Variants in CSMD1 observed in about 807,000 individuals in gnomAD.
CSMD1 encodes CUB and sushi domain-containing protein 1.
A neutral mutation model predicts 417.5 loss-of-function variants in CSMD1; 213 were observed. The observed-to-expected ratio is 0.51, with a 90% CI of 0.46 to 0.57. The LOEUF (loss-of-function observed/expected upper bound fraction) is 0.57. Ranked by LOEUF, CSMD1 falls within the 20% of genes least tolerant of loss-of-function variation. The pLI, the probability that CSMD1 is intolerant of heterozygous loss-of-function variation, is 0.00. For missense variants in CSMD1, 6,923 were observed against 4,529.7 expected, an observed-to-expected ratio of 1.53 and a Z score of -15.17; for synonymous variants, 2,862 against 1,736.8, an observed-to-expected ratio of 1.65 and a Z score of -16.11.
chr8:4,219,051 G>T (rs1034800541), intron 3 of CSMD1, among the ~76,000 whole-genome samples: 3 of 152,028 alleles, frequency 2.0e-5, no homozygotes, highest in African/African-American at 7.2e-5. Flanking sequence ...ATGGTCATAC[G>T]TTAGAGGTAC....
At chr8:3,671,990 C>T (rs73183306) in intron 7 of CSMD1, among the ~76,000 whole-genome samples, 7 of 152,126 alleles carry the variant, frequency 4.6e-5, no homozygotes, top group Admixed American at 2.6e-4. Flanking sequence ...AATACTTAAA[C>T]AAAAATAATT....
At chr8:4,812,408 A>G (rs1026561332) in intron 1 of CSMD1, among the ~76,000 whole-genome samples, 1 of 152,214 alleles carries the variant, frequency 6.6e-6, no homozygotes, top group Admixed American at 6.5e-5. Context: ...AGCACAGAGT[A>G]GTGACTTTGT....
intron 3 of CSMD1, among the ~76,000 whole-genome samples, chr8:4,302,776 G>C (rs186094240): frequency 3.0e-4 from 46 of 152,276 alleles, no homozygotes; most frequent in African/African-American, 8.7e-4. Context: ...TCCAGGTAGA[G>C]TTGGCACCGT....
intron 3 of CSMD1, among the ~76,000 whole-genome samples, chr8:4,142,752 T>C (rs1456240946): frequency 6.6e-6 from 1 of 151,052 alleles, no homozygotes; most frequent in African/African-American, 2.5e-5. Context: ...ACATTGAACT[T>C]GCCAATCACT....
Position 3,412,037 on chromosome 8 carries a change from C to CGTGT in CSMD1, c.1562-2433_1562-2432insACAC, listed in dbSNP as rs1291953230. 5.6e-4 allele frequency among the ~76,000 whole-genome samples: 22 copies of CGTGT among 39,564 alleles called. 6 individuals are homozygous for CGTGT. The highest frequency in any genetic ancestry group is 1.8e-3 in the African/African-American group (17 of 9,578). 26.0% of individuals were successfully genotyped at this position (39,564 alleles called of 152,430 possible). ...ATACATATACACACGTATATATACACATATATACACGTATATATACACACG... is the reference window on the plus strand; with the variant it reads ...ATACATATACACACGTATATATACACGTGTATATATACACGTATATATACACACG... On this transcript the variant is annotated intron_variant, in intron 12 of 69. Coordinates refer to ENST00000635120, the MANE Select transcript of CSMD1 (RefSeq NM_033225.6).
intron 17 of CSMD1, among the ~76,000 whole-genome samples, 155 bp downstream of exon 17, chr8:3,396,039 C>T (rs1056427137): frequency 3.3e-5 from 5 of 152,222 alleles, no homozygotes; most frequent in African/African-American, 9.6e-5. Flanking sequence ...TTATGAATAA[C>T]AGAAAGTTCT....
intron 46 of CSMD1, 122 bp downstream of exon 46, chr8:3,106,406 A>T: frequency 1.6e-6 from 1 of 611,404 alleles, no homozygotes; most frequent in Non-Finnish European, 2.7e-6. Context: ...TCCAAGATAA[A>T]TAAATAAATA....
intron 1 of CSMD1, among the ~76,000 whole-genome samples, chr8:4,954,620 A>C (rs368179503): frequency 6.6e-6 from 1 of 152,200 alleles, no homozygotes; most frequent in African/African-American, 2.4e-5. Context: ...TATACTATAA[A>C]ATAAAATCCT....
At position 3,603,794 on chromosome 8, in the gene CSMD1, T is replaced by C. The variant is rs930472836; in HGVS notation, c.1097+12916A>G. Among the ~76,000 whole-genome samples, 10 of 152,340 alleles carry C rather than the reference T, an allele frequency of 6.6e-5. No homozygotes were observed. In the East Asian group the frequency reaches 1.4e-3, roughly 21 times the overall value. On this transcript the variant is annotated intron_variant, in intron 8 of 69. Coordinates refer to ENST00000635120, the MANE Select transcript of CSMD1 (RefSeq NM_033225.6). ...TCTATTAGTAAACTAAATTTTTTAG[T>C]TGATGGGAAGAAGGAATAACAATCA... is the stretch of plus-strand genomic sequence containing the variant.
chr8:3,637,970 G>T (rs994606732), intron 7 of CSMD1, among the ~76,000 whole-genome samples: 3 of 152,178 alleles, frequency 2.0e-5, no homozygotes, highest in Non-Finnish European at 4.4e-5. Flanking sequence ...TGCCATGATT[G>T]TGAGGCCTCC....
chr8:4,801,240 G>C (rs1798266477), intron 1 of CSMD1, among the ~76,000 whole-genome samples: 1 of 152,276 alleles, frequency 6.6e-6, no homozygotes. Flanking sequence ...CTTGAGGACT[G>C]ATCTATGACT....
intron 3 of CSMD1, among the ~76,000 whole-genome samples, chr8:4,331,777 A>G (rs1799882590): frequency 1.3e-5 from 2 of 152,176 alleles, no homozygotes; most frequent in Admixed American, 1.3e-4. Context: ...TCTTCCCAGG[A>G]GAGGTTTTTG....
intron 1 of CSMD1, among the ~76,000 whole-genome samples, chr8:4,734,565 C>T (rs1810104725): frequency 6.6e-6 from 1 of 152,080 alleles, no homozygotes; most frequent in Admixed American, 6.5e-5. Flanking sequence ...TAAGTAAATG[C>T]TGGGTATTAA....
At chr8:3,311,513 G>A (rs558794872) in intron 23 of CSMD1, among the ~76,000 whole-genome samples, 28 of 149,068 alleles carry the variant, frequency 1.9e-4, no homozygotes, top group Admixed American at 1.6e-3. Flanking sequence ...GTCTCCGAAA[G>A]TGCTGGAATT....
intron 1 of CSMD1, among the ~76,000 whole-genome samples, chr8:4,880,667 CAG>C (rs1212906233): frequency 1.3e-5 from 2 of 152,056 alleles, no homozygotes; most frequent in East Asian, 1.9e-4. Context: ...GAAGTGGAGA[CAG>C]AGAGACTTTT....
intron 7 of CSMD1, among the ~76,000 whole-genome samples, chr8:3,700,931 T>G (rs146208427): frequency 3.4e-4 from 51 of 151,732 alleles, no homozygotes; most frequent in African/African-American, 1.2e-3. Context: ...GATTGCAGGG[T>G]GGGACTTTGT....
chr8:4,535,622 A>G (rs1007427098), intron 2 of CSMD1, among the ~76,000 whole-genome samples: 2 of 152,206 alleles, frequency 1.3e-5, no homozygotes, highest in African/African-American at 2.4e-5. Context: ...ATTATAATAT[A>G]GTTCCAAATC....
intron 26 of CSMD1, among the ~76,000 whole-genome samples, chr8:3,282,124 G>C (rs1395990685): frequency 2.6e-5 from 4 of 152,158 alleles, no homozygotes; most frequent in Non-Finnish European, 5.9e-5. Context: ...CCCAGTCTCA[G>C]ATAGTTCTTT....
At chr8:3,682,681 C>T (rs1799726383) in intron 7 of CSMD1, among the ~76,000 whole-genome samples, 2 of 152,282 alleles carry the variant, frequency 1.3e-5, no homozygotes, top group Non-Finnish European at 2.9e-5. Context: ...ATCCAGCCAT[C>T]CCATTACTGG....
Sources: gnomAD v4.1 joint callset for allele counts (sites outside exome capture counted in the v4.1 genomes callset) on GRCh38, gnomAD v4.1.1 for gene constraint, MANE v1.5 for transcripts, NCBI Gene and HGNC (gene_info 2026-07-23, HGNC 2026-07-21) for gene names.